The following TRPC7 variants were observed in gnomAD, a reference collection of about 807,000 sequenced individuals.
TRPC7 encodes transient receptor potential cation channel subfamily C member 7, also known as short transient receptor potential channel 7.
A neutral mutation model predicts 90.1 loss-of-function variants in TRPC7; 42 were observed. That is an observed-to-expected ratio of 0.47 (90% CI 0.36 to 0.60). TRPC7 has a LOEUF of 0.60. Ranked by LOEUF, TRPC7 falls within the 20% of genes least tolerant of loss-of-function variation. The pLI, the probability that TRPC7 is intolerant of heterozygous loss-of-function variation, is 0.00. For missense variants in TRPC7, 955 were observed against 1,112.3 expected, an observed-to-expected ratio of 0.86 and a Z score of 2.01; for synonymous variants, 451 against 436.3, an observed-to-expected ratio of 1.03 and a Z score of -0.42.
intron 5 of TRPC7, among the ~76,000 whole-genome samples, chr5:136,255,049 A>T (rs888241152): frequency 2.0e-5 from 3 of 152,216 alleles, no homozygotes; most frequent in African/African-American, 7.2e-5. Context: ...TAAAACTTCA[A>T]TGGATGAGGA....
At chr5:136,325,755 C>T (rs943537422) in intron 2 of TRPC7, among the ~76,000 whole-genome samples, 2 of 151,818 alleles carry the variant, frequency 1.3e-5, no homozygotes, top group African/African-American at 4.8e-5. Flanking sequence ...GGTCTGGGGG[C>T]AGGGAATCTC....
intron 3 of TRPC7, among the ~76,000 whole-genome samples, chr5:136,279,168 A>C (rs1048453467): frequency 3.3e-5 from 5 of 151,938 alleles, no homozygotes; most frequent in Admixed American, 6.6e-5. Flanking sequence ...ACACAAAAAT[A>C]CTCTCTGCCA....
chr5:136,294,044 G>T (rs553889592), intron 3 of TRPC7, among the ~76,000 whole-genome samples: 12 of 152,252 alleles, frequency 7.9e-5, no homozygotes, highest in Admixed American at 6.5e-4. Context: ...ATGAGGAAAG[G>T]ATTCCCTATT....
chr5:136,242,402 G>A (rs1242562324), intron 7 of TRPC7, among the ~76,000 whole-genome samples: 1 of 152,100 alleles, frequency 6.6e-6, no homozygotes, highest in East Asian at 1.9e-4. Flanking sequence ...GGCCAGCACT[G>A]GACACAGAAG....
chr5:136,354,624 A>G (rs1241166237), intron 2 of TRPC7, among the ~76,000 whole-genome samples: 2 of 152,154 alleles, frequency 1.3e-5, no homozygotes, highest in Non-Finnish European at 2.9e-5. Flanking sequence ...TTTACCAGAC[A>G]AGTTAATTTC....
intron 3 of TRPC7, among the ~76,000 whole-genome samples, chr5:136,306,088 T>G (rs901061689): frequency 6.6e-6 from 1 of 152,220 alleles, no homozygotes; most frequent in Non-Finnish European, 1.5e-5. Flanking sequence ...TACTTATACA[T>G]GCCCTGCTCT....
At position 136,247,913 on chromosome 5, in the gene TRPC7, G is replaced by T. The variant is rs1227092518; in HGVS notation, c.1580-178C>A. Among the ~76,000 whole-genome samples, 5 of 152,168 alleles carry T rather than the reference G, an allele frequency of 3.3e-5. No individual in the cohort carries two copies. The highest frequency in any genetic ancestry group is 6.5e-5 in the Admixed American group (1 of 15,286). On this transcript the variant is annotated intron_variant, in intron 6 of 11. Coordinates refer to ENST00000513104, the MANE Select transcript of TRPC7 (RefSeq NM_020389.3). The surrounding 1 kb of genome is among the most constrained non-coding windows in gnomAD (Gnocchi z 4.2). ...CCTCTTGGAATGTGCTGGACCATCT[G>T]CCTGGAACACTCTTCTCTCACTTCG...
At position 136,345,245 on chromosome 5, in the gene TRPC7, A is replaced by C. The variant is rs537197204; in HGVS notation, c.780+11363T>G. On this transcript the variant is annotated intron_variant, in intron 2 of 11. Transcript: ENST00000513104. ...TTGTACCTGGAGGTTGGGGAGGATT[A>C]GGAGAAACACCAAAATATGAACTAT... is the stretch of plus-strand genomic sequence containing the variant. 4.7e-4 allele frequency among the ~76,000 whole-genome samples: 71 copies of C among 152,296 alleles called. No individual in the cohort carries two copies. The South Asian group carries it at 0.014, about 31-fold the overall frequency.
At chr5:136,253,108 A>AT (rs1270099482) in intron 5 of TRPC7, among the ~76,000 whole-genome samples, 1 of 152,194 alleles carries the variant, frequency 6.6e-6, no homozygotes, top group East Asian at 1.9e-4. Context: ...CTCATTAATA[A>AT]TTTTTTGCAT....
At chr5:136,288,674 T>C (rs1265700561) in intron 3 of TRPC7, among the ~76,000 whole-genome samples, 2 of 152,222 alleles carry the variant, frequency 1.3e-5, no homozygotes, top group African/African-American at 4.8e-5. Flanking sequence ...GGCCGTTTGC[T>C]CACATCATGC....
At chr5:136,226,947 T>C (rs1755649338) in intron 8 of TRPC7, among the ~76,000 whole-genome samples, 1 of 152,224 alleles carries the variant, frequency 6.6e-6, no homozygotes, top group African/African-American at 2.4e-5. Flanking sequence ...AAGTGCTTGA[T>C]AGGCGTATGT....
chr5:136,322,374 C>G (rs935433793), intron 2 of TRPC7, among the ~76,000 whole-genome samples: 2 of 152,156 alleles, frequency 1.3e-5, no homozygotes, highest in African/African-American at 4.8e-5. Context: ...GGGTAAATGC[C>G]TAGGAGCGGG....
chr5:136,231,461 T>G lies in TRPC7; in HGVS notation c.1933A>C (p.Ile645Leu). The change falls in exon 8 of 12, where the codon ATC becomes CTC. Residue 645 changes from isoleucine (I) to leucine (L), a missense_variant. Physicochemically the swap from Ile to Leu is conservative, Grantham distance 5. Around this residue, in one of 4 missense-constraint regions of TRPC7, gnomAD observed 296 missense variants for 422.7 expected, o/e 0.70. Transcript: ENST00000513104. ...TAGAGAACGTAGCCAATGTTCTCGA[T>G]GAATTTGTGGTCGTATTTCAGCACC... Reference protein sequence around the residue: ...SVVLKYDHKFIENIGYVLYGV... With the variant: ...SVVLKYDHKFLENIGYVLYGV... The G allele has an allele frequency of 6.2e-7, 1 of 1,613,112 alleles. No individual in the cohort carries two copies. Among genetic ancestry groups the G allele is most frequent in the Non-Finnish European group, 8.5e-7 (1 of 1,179,462 alleles).
chr5:136,330,543 T>C (rs1196783794), intron 2 of TRPC7, among the ~76,000 whole-genome samples: 2 of 152,200 alleles, frequency 1.3e-5, no homozygotes, highest in Non-Finnish European at 2.9e-5. Context: ...ACCCTGAACA[T>C]GCCCTGAAGG....
chr5:136,260,309 G>A (rs571380504), intron 5 of TRPC7, among the ~76,000 whole-genome samples: 9 of 152,316 alleles, frequency 5.9e-5, no homozygotes, highest in South Asian at 4.1e-4. Flanking sequence ...TGTCAGAGGC[G>A]TTAATGGTTA....
chr5:136,262,932 T>A (rs1286374116), intron 5 of TRPC7, among the ~76,000 whole-genome samples: 1 of 152,140 alleles, frequency 6.6e-6, no homozygotes, highest in African/African-American at 2.4e-5. Flanking sequence ...GGTGATTAGA[T>A]GTTGTGCAGC....
chr5:136,287,361 C>G lies in TRPC7; in HGVS notation c.964-12524G>C, dbSNP rs139416840. 1.8e-3 allele frequency among the ~76,000 whole-genome samples: 265 copies of G among 150,274 alleles called. 4 individuals are homozygous for G. Among genetic ancestry groups the G allele is most frequent in the African/African-American group, 6.3e-3 (258 of 40,820 alleles). On this transcript the variant is annotated intron_variant, in intron 3 of 11. Transcript: ENST00000513104. ...GGATTAGGGCTTGGTGAAGAGGAGT[C>G]CTTGGTGTTGGAGAGATGTTTCCTG... is the stretch of plus-strand genomic sequence containing the variant.
chr5:136,343,347 A>G lies in TRPC7; in HGVS notation c.780+13261T>C, dbSNP rs60976069. Reference sequence around the variant, plus strand: ...AACTGAAGGAGATTGGTAGGGCCTTAGTAGTAAGAAGGTCACTCTGACCTT... The same window carrying G: ...AACTGAAGGAGATTGGTAGGGCCTTGGTAGTAAGAAGGTCACTCTGACCTT... On this transcript the variant is annotated intron_variant, in intron 2 of 11. Transcript: ENST00000513104. Among the ~76,000 whole-genome samples, 328 of 152,318 alleles carry G rather than the reference A, an allele frequency of 2.2e-3. 1 individual carries two copies. In the East Asian group the frequency reaches 0.031, roughly 14 times the overall value.
chr5:136,250,494 C>A (rs762143051), intron 6 of TRPC7, among the ~76,000 whole-genome samples: 1 of 152,222 alleles, frequency 6.6e-6, no homozygotes, highest in African/African-American at 2.4e-5. Flanking sequence ...TTACTGTTAA[C>A]AAGTATCTAC....
Sources: gnomAD v4.1 joint callset for allele counts (sites outside exome capture counted in the v4.1 genomes callset) on GRCh38, gnomAD v4.1.1 for gene constraint, gnomAD v4.1.1 regional missense constraint, Gnocchi (gnomAD v3.1) non-coding constraint, MANE v1.5 for transcripts, NCBI Gene and HGNC (gene_info 2026-07-23, HGNC 2026-07-21) for gene names.